Variants in GDPD1 observed in about 807,000 individuals in gnomAD.
GDPD1 encodes the protein lysophospholipase D GDPD1.
A neutral mutation model predicts 45.1 loss-of-function variants in GDPD1; 28 were observed. The ratio of observed to expected loss-of-function variants is 0.62; its 90% CI spans 0.46 to 0.85. The LOEUF (loss-of-function observed/expected upper bound fraction) is 0.85. Among genes scored for constraint, GDPD1 ranks in the 40% least tolerant of loss-of-function variants. GDPD1 has a pLI of 0.00. For missense variants in GDPD1, 256 were observed against 364.8 expected, an observed-to-expected ratio of 0.70 and a Z score of 2.43; for synonymous variants, 139 against 131.4, an observed-to-expected ratio of 1.06 and a Z score of -0.40.
rs2047001175 is a variant in GDPD1, at chr17:59,221,143, G to A, written c.142+392G>A. ...GAGGGTACCCCGCGGGGGGCACCGGGAGCACACTGCTCCGAGCGAGCTAGT... is the reference window on the plus strand; with the variant it reads ...GAGGGTACCCCGCGGGGGGCACCGGAAGCACACTGCTCCGAGCGAGCTAGT... On this transcript the variant is annotated intron_variant, in intron 1 of 9. Coordinates refer to ENST00000284116, the MANE Select transcript of GDPD1 (RefSeq NM_182569.4). 2.6e-5 allele frequency among the ~76,000 whole-genome samples: 4 copies of A among 152,268 alleles called. No individual in the cohort carries two copies. In the South Asian group the frequency reaches 8.3e-4, roughly 32 times the overall value.
chr17:59,254,104 G>A (rs2047277476), intron 4 of GDPD1, among the ~76,000 whole-genome samples: 1 of 150,694 alleles, frequency 6.6e-6, no homozygotes, highest in Non-Finnish European at 1.5e-5. Context: ...GCTCACGCCT[G>A]TAATCCCAGC....
Position 59,245,433 on chromosome 17 carries a change from GAT to G in GDPD1, c.208_209del (p.Met70AlafsTer11). On this transcript the variant is annotated frameshift_variant, in exon 3 of 10. Coordinates refer to ENST00000284116, the MANE Select transcript of GDPD1 (RefSeq NM_182569.4). LOFTEE classifies it high-confidence loss of function. ...AFQHAVKIGTDMLELDCHITK... is the reference protein window; with the variant it reads ...AFQHAVKIGTXMLELDCHITK... ...CTTCAGTGCGGTTAAAATCGGAACTGATATGCTAGAATTGGACTGCCATATCA... is the reference window on the plus strand; with the variant it reads ...CTTCAGTGCGGTTAAAATCGGAACTGATGCTAGAATTGGACTGCCATATCA... 1 of 1,611,388 alleles carries G rather than the reference GAT, an allele frequency of 6.2e-7. No individual in the cohort carries two copies. Among genetic ancestry groups the G allele is most frequent in the Non-Finnish European group, 8.5e-7 (1 of 1,178,558 alleles).
rs547338844 is a variant in GDPD1, at chr17:59,249,987, C to G, written c.367+1202C>G. On this transcript the variant is annotated intron_variant, in intron 4 of 9. Coordinates refer to ENST00000284116, the MANE Select transcript of GDPD1 (RefSeq NM_182569.4). ...CTCATTTGAGCCCAAGAGTTGGAGT[C>G]TAGCTTGGGCTACATAGCAAGACCC... Among the ~76,000 whole-genome samples the G allele has an allele frequency of 1.4e-4, 21 of 151,754 alleles. No homozygotes were observed. The East Asian group carries it at 4.1e-3, about 29-fold the overall frequency.
intron 7 of GDPD1, among the ~76,000 whole-genome samples, chr17:59,268,482 G>C (rs568854492): frequency 2.2e-4 from 33 of 149,566 alleles, no homozygotes; most frequent in African/African-American, 8.2e-4. Flanking sequence ...CGGAGGCTGA[G>C]GCAGGAGAAT....
At chr17:59,271,521 A>AT (rs2047443862) in intron 8 of GDPD1, among the ~76,000 whole-genome samples, 1 of 152,244 alleles carries the variant, frequency 6.6e-6, no homozygotes, top group Admixed American at 6.5e-5. Context: ...ATTGTACTAT[A>AT]TTTTGCTTTA....
chr17:59,220,529 C>G lies in GDPD1; in HGVS notation c.-81C>G, dbSNP rs549184165. On this transcript the variant is annotated 5_prime_UTR_variant, in exon 1 of 10. Transcript: ENST00000284116. The stretch of plus-strand genomic sequence containing the variant: ...TGGGGGCGAGCCGACCTCGAGCAGC[C>G]GCCGCCGCCGCCGTCGTTGCTACTG... 3 of 1,402,290 alleles carry G rather than the reference C, an allele frequency of 2.1e-6. No homozygotes were observed. The highest frequency in any genetic ancestry group is 1.3e-5 in the South Asian group (1 of 76,802). 86.9% of individuals were successfully genotyped at this position (1,402,290 alleles called of 1,614,324 possible). A position where few individuals can be genotyped will look rare whatever the true frequency, so the allele number is the denominator to read the frequency against.
At chr17:59,273,048 G>A (rs1228766571) in intron 9 of GDPD1, 1 of 902,038 alleles carries the variant, frequency 1.1e-6, no homozygotes, top group African/African-American at 1.7e-5. Context: ...GTACAGAATA[G>A]CTGATGCCAG....
chr17:59,223,302 C>T (rs1277700245), intron 1 of GDPD1, among the ~76,000 whole-genome samples: 2 of 152,132 alleles, frequency 1.3e-5, no homozygotes, highest in African/African-American at 4.8e-5. Flanking sequence ...TATCTGCAGA[C>T]TCAAAATCTG....
intron 6 of GDPD1, among the ~76,000 whole-genome samples, chr17:59,262,718 T>C (rs1484943677): frequency 6.6e-6 from 1 of 151,344 alleles, no homozygotes; most frequent in Non-Finnish European, 1.5e-5. Context: ...ACCTCCGCCT[T>C]CCGGGTTCAA....
intron 1 of GDPD1, among the ~76,000 whole-genome samples, chr17:59,228,686 C>T (rs1387180570): frequency 1.3e-5 from 2 of 151,508 alleles, no homozygotes; most frequent in African/African-American, 4.9e-5. Flanking sequence ...AGTTTGAGAC[C>T]AGCCTGGGCA....
At chr17:59,270,355 G>A (rs930082845) in intron 7 of GDPD1, among the ~76,000 whole-genome samples, 8 of 150,810 alleles carry the variant, frequency 5.3e-5, no homozygotes, top group East Asian at 1.9e-4. Flanking sequence ...CACCATGCCC[G>A]GCTAATTTTT....
At position 59,260,043 on chromosome 17, in the gene GDPD1, G is replaced by A. The variant is rs192155451; in HGVS notation, c.576+2203G>A. 5.8e-3 allele frequency among the ~76,000 whole-genome samples: 584 copies of A among 101,272 alleles called. 8 individuals carry two copies. The highest frequency in any genetic ancestry group is 0.021 in the African/African-American group (547 of 26,682). 66.4% of individuals were successfully genotyped at this position (101,272 alleles called of 152,430 possible). ...GCCACTGCACTCCAGCCTGGGTGACGGAGCCAGACCCTGTCTCAAAAAAAA... is the reference window on the plus strand; with the variant it reads ...GCCACTGCACTCCAGCCTGGGTGACAGAGCCAGACCCTGTCTCAAAAAAAA... On this transcript the variant is annotated intron_variant, in intron 6 of 9. Coordinates refer to ENST00000284116, the MANE Select transcript of GDPD1 (RefSeq NM_182569.4).
intron 4 of GDPD1, among the ~76,000 whole-genome samples, chr17:59,254,839 A>G (rs1238749805): frequency 2.0e-5 from 3 of 152,086 alleles, no homozygotes; most frequent in Non-Finnish European, 4.4e-5. Flanking sequence ...CACAGAGATG[A>G]ACTCTTGGCA....
chr17:59,255,724 C>G (rs1158882146), intron 4 of GDPD1, among the ~76,000 whole-genome samples: 2 of 65,962 alleles, frequency 3.0e-5, no homozygotes, highest in Non-Finnish European at 5.9e-5. Context: ...GCCTGGGCAA[C>G]AAGAACGAAA....
rs367820098 is a variant in GDPD1, at chr17:59,251,336, C to T, written c.367+2551C>T. On this transcript the variant is annotated intron_variant, in intron 4 of 9. Transcript: ENST00000284116. ...GAGTTCGAGACCAGCCTGGCCAACA[C>T]GGTGAAACCCTGTTTCTACTAAAAA... Among the ~76,000 whole-genome samples the T allele has an allele frequency of 3.9e-4, 59 of 151,150 alleles. 2 individuals carry two copies. The South Asian group carries it at 5.6e-3, about 14-fold the overall frequency.
In GDPD1 at chr17:59,255,874, TACACACAC is replaced by T. The variant is rs1226181221; in HGVS notation, c.368-1236_368-1229del. On this transcript the variant is annotated intron_variant, in intron 4 of 9. Coordinates refer to ENST00000284116, the MANE Select transcript of GDPD1 (RefSeq NM_182569.4). ...ATACACACGTATATATATATATATATACACACACACACACACACATATATATATATGGG... is the reference window on the plus strand; with the variant it reads ...ATACACACGTATATATATATATATATACACACACACATATATATATATGGG... Among the ~76,000 whole-genome samples the T allele has an allele frequency of 4.3e-5, 2 of 46,484 alleles. 1 individual carries two copies. The highest frequency in any genetic ancestry group is 6.9e-5 in the Non-Finnish European group (2 of 28,794). 30.5% of individuals were successfully genotyped at this position (46,484 alleles called of 152,430 possible). A position where few individuals can be genotyped will look rare whatever the true frequency, so the allele number is the denominator to read the frequency against.
intron 6 of GDPD1, among the ~76,000 whole-genome samples, chr17:59,259,711 C>T (rs2047339031): frequency 6.7e-6 from 1 of 148,552 alleles, no homozygotes; most frequent in Admixed American, 6.7e-5. Context: ...ATGTCACCAG[C>T]CTGGGTGACA....
intron 6 of GDPD1, among the ~76,000 whole-genome samples, chr17:59,258,410 G>A (rs1297007507): frequency 6.6e-6 from 1 of 151,982 alleles, no homozygotes; most frequent in African/African-American, 2.4e-5. Context: ...GGGCATGGTG[G>A]CACGTGCCTG....
chr17:59,264,684 C>T (rs975732669), intron 6 of GDPD1, among the ~76,000 whole-genome samples: 16 of 152,132 alleles, frequency 1.1e-4, no homozygotes, highest in African/African-American at 3.6e-4. Context: ...TTTGCAGTGA[C>T]TTGTATATTT....
Sources: allele counts gnomAD v4.1 joint callset (sites outside exome capture counted in the v4.1 genomes callset), GRCh38; gene constraint gnomAD v4.1.1; transcripts MANE v1.5; gene names NCBI Gene and HGNC (gene_info 2026-07-23, HGNC 2026-07-21).